CPM: variants seen among roughly 807,000 people sequenced by gnomAD.
CPM encodes carboxypeptidase M, also known as renal carboxypeptidase.
In CPM, 35 loss-of-function variants were observed where a neutral mutation model predicts 46.4. That is an observed-to-expected ratio of 0.75 (90% confidence interval 0.58 to 1.00). CPM has a LOEUF of 1.00. CPM is among the 50% of genes least tolerant of loss of function. The pLI is 0.00. For synonymous variants in CPM, 195 were observed against 195.3 expected (o/e 1.00, Z 0.01); for missense variants, 422 against 530.4 (o/e 0.80, Z 2.01).
chr12:68,895,215 G>T (rs1886821703), intron 2 of CPM, among the ~76,000 whole-genome samples: 1 of 152,062 alleles, frequency 6.6e-6, no homozygotes, highest in Non-Finnish European at 1.5e-5. Context: ...AACATCTGGT[G>T]CCCTAATGAA....
At chr12:68,946,951 C>CA (rs1039196776) in intron 1 of CPM, among the ~76,000 whole-genome samples, 26 of 152,104 alleles carry the variant, frequency 1.7e-4, no homozygotes, top group Admixed American at 7.2e-4. Context: ...ACGTTTTAAG[C>CA]AAAAAATCAT....
chr12:68,884,012 AG>A (rs1437806217), intron 3 of CPM, among the ~76,000 whole-genome samples: 2 of 146,770 alleles, frequency 1.4e-5, no homozygotes. Context: ...CAGGAGGCGG[AG>A]GCAGGAGAAT....
intron 2 of CPM, among the ~76,000 whole-genome samples, chr12:68,909,876 A>C (rs979601076): frequency 1.4e-4 from 22 of 151,824 alleles, no homozygotes; most frequent in South Asian, 1.3e-3. Context: ...TAGGAGAAAT[A>C]CCTAATGTAG....
At position 68,957,071 on chromosome 12, in the gene CPM, G is replaced by A. The variant is rs1455317201; in HGVS notation, c.-4+6098C>T. Among the ~76,000 whole-genome samples the A allele has an allele frequency of 2.0e-5, 3 of 152,124 alleles. No homozygotes were observed. In the East Asian group the frequency reaches 5.8e-4, roughly 29 times the overall value. On this transcript the variant is annotated intron_variant, in intron 1 of 8. Coordinates refer to the CPM transcript ENST00000546373. ...CACCAGACAATCAGCAGACCACCCC[G>A]AGGAAGGGTAGACATCATCTTATCT...
intron 2 of CPM, among the ~76,000 whole-genome samples, chr12:68,903,296 G>A (rs1171877719): frequency 6.6e-6 from 1 of 151,972 alleles, no homozygotes; most frequent in East Asian, 1.9e-4. Flanking sequence ...TGGAACTATT[G>A]AAGTCTCAGT....
chr12:68,870,604 A>G (rs1462685316), intron 4 of CPM, among the ~76,000 whole-genome samples: 5 of 152,180 alleles, frequency 3.3e-5, no homozygotes. Context: ...GCTCTCACCA[A>G]TGAGATACTA....
chr12:68,867,649 C>T (rs1483321865), intron 6 of CPM, among the ~76,000 whole-genome samples: 3 of 152,200 alleles, frequency 2.0e-5, no homozygotes, highest in Non-Finnish European at 4.4e-5. Flanking sequence ...ATGACAGACA[C>T]TGGAGTGCAG....
chr12:68,948,441 G>A (rs1888882061), intron 1 of CPM, among the ~76,000 whole-genome samples: 3 of 151,980 alleles, frequency 2.0e-5, no homozygotes, highest in Admixed American at 2.0e-4. Flanking sequence ...ATGCATTATT[G>A]ATCAGCCCAT....
chr12:68,885,665 C>G, intron 3 of CPM, 127 bp downstream of exon 3: 6 of 745,484 alleles, frequency 8.0e-6, no homozygotes, highest in Non-Finnish European at 1.3e-5. Flanking sequence ...CTCTCTGGGC[C>G]TTGCTTCTTT....
At position 68,885,776 on chromosome 12, in the gene CPM, C is replaced by T. The variant is rs147344547; in HGVS notation, c.258+16G>A. The T allele has an allele frequency of 6.2e-7, 1 of 1,600,798 alleles. No homozygotes were observed. The highest frequency in any genetic ancestry group is 2.2e-5 in the East Asian group (1 of 44,814). The stretch of plus-strand genomic sequence containing the variant: ...CTTCTCTGGTGACATTTCAGAAATT[C>T]AAGCCACATACGTACCTCATCTCCA... On this transcript the variant is annotated intron_variant, in intron 3 of 8. Transcript: ENST00000551568.
chr12:68,905,456 C>T (rs1486650596), intron 2 of CPM, among the ~76,000 whole-genome samples: 3 of 150,478 alleles, frequency 2.0e-5, no homozygotes, highest in Non-Finnish European at 4.4e-5. Flanking sequence ...AATTTTTGTA[C>T]TTTTTGTAAA....
At position 68,869,488 on chromosome 12, in the gene CPM, C is replaced by G. The variant is rs1176615870; in HGVS notation, c.624G>C (p.Gly208=). The G allele has an allele frequency of 2.5e-6, 4 of 1,600,682 alleles. No homozygotes were observed. The African/African-American group carries it at 5.4e-5, about 22-fold the overall frequency. Residue 208 remains glycine (G), a synonymous_variant, in exon 6 of 9, where the codon GGG becomes GGC. Transcript: ENST00000551568. ...GCGTTAAGCTTCGGGAGTATAATGC[C>G]CCAGTTGCTGCATTTAAAAGATGAA... ...YPFDNGVQAT[G]ALYSRSLTPD... is the part of the protein sequence containing the mutation.
intron 1 of CPM, among the ~76,000 whole-genome samples, chr12:68,963,007 C>T (rs1889147577): frequency 6.6e-6 from 1 of 152,224 alleles, no homozygotes; most frequent in Non-Finnish European, 1.5e-5. Flanking sequence ...AAAGTCGTGG[C>T]CTGACCACCT....
chr12:68,927,011 C>G (rs957556281), intron 2 of CPM, among the ~76,000 whole-genome samples: 20 of 152,170 alleles, frequency 1.3e-4, no homozygotes, highest in African/African-American at 4.8e-4. Flanking sequence ...GTGAATAGTG[C>G]CGCAATAAAC....
rs552388144 is a variant in CPM at position 68,854,593 on chromosome 12, A to G, written c.*1844T>C. The G allele has an allele frequency of 6.6e-6, 1 of 152,314 alleles. No individual in the cohort carries two copies. The highest frequency in any genetic ancestry group is 2.4e-5 in the African/African-American group (1 of 41,560). The allele number at this position is 152,314 out of a possible 1,614,324, so 9.4% of individuals were successfully genotyped here. On this transcript the variant is annotated 3_prime_UTR_variant, in exon 9 of 9. Transcript: ENST00000551568. ...TGAACTGAGTTTTAAGAGGGGTAGG[A>G]AAGAAAAAATGTAGTGGGTCATAAT...
chr12:68,956,260 G>A (rs535991371), intron 1 of CPM, among the ~76,000 whole-genome samples: 30 of 152,352 alleles, frequency 2.0e-4, no homozygotes, highest in Non-Finnish European at 3.5e-4. Flanking sequence ...AGGTTAGACA[G>A]TGGGAGCAGT....
At chr12:68,900,754 C>T (rs1347729726) in intron 2 of CPM, among the ~76,000 whole-genome samples, 1 of 151,994 alleles carries the variant, frequency 6.6e-6, no homozygotes, top group Non-Finnish European at 1.5e-5. Context: ...ATGCATATTA[C>T]TAAGTAAAAG....
intron 2 of CPM, among the ~76,000 whole-genome samples, chr12:68,901,914 G>A (rs1038742014): frequency 6.6e-6 from 1 of 152,164 alleles, no homozygotes; most frequent in Admixed American, 6.5e-5. Context: ...TGGCACAGGA[G>A]CTGGGAAGGA....
At chr12:68,929,568 A>T (rs1343063180) in intron 2 of CPM, among the ~76,000 whole-genome samples, 4 of 152,214 alleles carry the variant, frequency 2.6e-5, no homozygotes, top group Non-Finnish European at 4.4e-5. Context: ...AATATGGTCT[A>T]CTATGGCTGA....
Sources: gnomAD v4.1 joint callset for allele counts (sites outside exome capture counted in the v4.1 genomes callset) on GRCh38, gnomAD v4.1.1 for gene constraint, MANE v1.5 for transcripts, NCBI Gene and HGNC (gene_info 2026-07-23, HGNC 2026-07-21) for gene names.